CALCR: variants seen among roughly 807,000 people sequenced by gnomAD.
CALCR encodes the protein calcitonin receptor.
Under a neutral mutation model 59.5 loss-of-function variants are expected in CALCR, and 47 were observed. The ratio of observed to expected loss-of-function variants is 0.79; its 90% CI spans 0.63 to 1.01. The LOEUF is 1.01. Among genes scored for constraint, CALCR ranks in the 50% least tolerant of loss-of-function variants. The pLI, the probability that CALCR is intolerant of heterozygous loss-of-function variation, is 0.00. For synonymous variants in CALCR, 213 were observed against 211.3 expected, an observed-to-expected ratio of 1.01 and a Z score of -0.07; for missense variants, 566 against 597.1, an observed-to-expected ratio of 0.95 and a Z score of 0.54.
intron 2 of CALCR, among the ~76,000 whole-genome samples, chr7:93,571,810 C>T (rs934563246): frequency 4.6e-5 from 7 of 152,108 alleles, no homozygotes; most frequent in African/African-American, 1.7e-4. Context: ...TTGTAACTCA[C>T]AAGGCTACTC....
At position 93,473,874 on chromosome 7, in the gene CALCR, T is replaced by A. The variant is rs1407747612; in HGVS notation, c.317-1387A>T. Among the ~76,000 whole-genome samples the A allele has an allele frequency of 2.6e-5, 4 of 151,854 alleles. No individual in the cohort carries two copies. The East Asian group carries it at 5.9e-4, about 22-fold the overall frequency. On this transcript the variant is annotated intron_variant, in intron 5 of 13. Coordinates refer to ENST00000426151, the MANE Select transcript of CALCR (RefSeq NM_001742.4). Reference sequence around the variant, plus strand: ...ATATTCAGTGCTGGTTACAGTATGATAAAGCCTTGCTGCTTTTTTTATTTT... The same window carrying A: ...ATATTCAGTGCTGGTTACAGTATGAAAAAGCCTTGCTGCTTTTTTTATTTT...
chr7:93,506,143 G>C (rs1381369605), intron 2 of CALCR, among the ~76,000 whole-genome samples: 1 of 152,096 alleles, frequency 6.6e-6, no homozygotes, highest in Non-Finnish European at 1.5e-5. Context: ...CTCACTCTCT[G>C]TGTGTGTCTG....
chr7:93,486,150 G>A (rs749540565), intron 3 of CALCR, among the ~76,000 whole-genome samples: 26 of 151,446 alleles, frequency 1.7e-4, no homozygotes, highest in Non-Finnish European at 3.1e-4. Flanking sequence ...ATTAGCAAAT[G>A]TTACTCTGAT....
chr7:93,540,415 G>C (rs1789101987), intron 2 of CALCR, among the ~76,000 whole-genome samples: 1 of 152,014 alleles, frequency 6.6e-6, no homozygotes, highest in Non-Finnish European at 1.5e-5. Context: ...ATAAAATTTT[G>C]TTTGAATTGA....
chr7:93,462,168 T>C, intron 7 of CALCR: 1 of 919,958 alleles, frequency 1.1e-6, no homozygotes, highest in South Asian at 1.6e-5. Flanking sequence ...TTTTAACTAT[T>C]ATAGTTACAG....
At chr7:93,493,603 G>T (rs1472192536) in intron 2 of CALCR, among the ~76,000 whole-genome samples, 1 of 151,388 alleles carries the variant, frequency 6.6e-6, no homozygotes, top group East Asian at 1.9e-4. Context: ...ATATTAAAAT[G>T]AGTGCAATTT....
intron 2 of CALCR, among the ~76,000 whole-genome samples, chr7:93,533,775 G>A (rs1788911127): frequency 1.3e-5 from 2 of 151,744 alleles, no homozygotes; most frequent in African/African-American, 2.4e-5. Context: ...CAATGTTTTA[G>A]AAGCTTTTTT....
chr7:93,565,407 C>T (rs1789841852), intron 2 of CALCR, among the ~76,000 whole-genome samples: 1 of 152,220 alleles, frequency 6.6e-6, no homozygotes, highest in African/African-American at 2.4e-5. Context: ...CATTGCTACT[C>T]TTCAAATATG....
At chr7:93,450,725 A>G (rs7793533) in intron 8 of CALCR, among the ~76,000 whole-genome samples, 11,837 of 151,742 alleles carry the variant, frequency 0.078, 1,557 homozygotes, top group African/African-American at 0.27. Flanking sequence ...ATTTCTTTTT[A>G]TATTTTGTTC....
chr7:93,489,875 T>C (rs1052825864), intron 2 of CALCR, among the ~76,000 whole-genome samples: 3 of 151,866 alleles, frequency 2.0e-5, no homozygotes, highest in African/African-American at 7.2e-5. Flanking sequence ...TTCTGAAGAA[T>C]TGAAAAGGAG....
intron 2 of CALCR, among the ~76,000 whole-genome samples, chr7:93,514,822 C>T (rs1211577947): frequency 4.6e-5 from 7 of 151,930 alleles, no homozygotes; most frequent in African/African-American, 1.7e-4. Context: ...TATTCAGAGA[C>T]AATAGCTTGC....
intron 2 of CALCR, among the ~76,000 whole-genome samples, chr7:93,569,084 T>A (rs1011724363): frequency 3.3e-5 from 5 of 151,846 alleles, no homozygotes; most frequent in African/African-American, 4.8e-5. Context: ...TTCGTTTTTT[T>A]TTCTTTTCTG....
At position 93,460,965 on chromosome 7, in the gene CALCR, A is replaced by AT; in HGVS notation, c.522-19dup. The AT allele has an allele frequency of 6.2e-7, 1 of 1,602,562 alleles. No individual in the cohort carries two copies. Among genetic ancestry groups the AT allele is most frequent in the Non-Finnish European group, 8.5e-7 (1 of 1,175,286 alleles). On this transcript the variant is annotated intron_variant, in intron 7 of 13. Coordinates refer to ENST00000426151, the MANE Select transcript of CALCR (RefSeq NM_001742.4). The stretch of plus-strand genomic sequence containing the variant: ...CAAGGCTCCTGGAAGAAAAAGTAAC[A>AT]TAAAGCATTAACCAGTGCCAAAATG...
chr7:93,544,818 C>T (rs1447788722), intron 2 of CALCR, among the ~76,000 whole-genome samples: 3 of 152,162 alleles, frequency 2.0e-5, no homozygotes, highest in African/African-American at 7.2e-5. Context: ...CACAGCTTTC[C>T]TCCAACTGCT....
rs777380366 is a variant in CALCR at position 93,460,918 on chromosome 7, T to C, written c.551A>G (p.His184Arg). The C allele has an allele frequency of 1.9e-6, 3 of 1,611,600 alleles. No homozygotes were observed. The highest frequency in any genetic ancestry group is 2.2e-5 in the South Asian group (2 of 90,660). ...AATGTAAGTAAGAAACATGTTCTTG[T>C]GCAGGGTTACCCTTTGGCAGCCAAG... ...RSLGCQRVTL[H>R]KNMFLTYILN... The change falls in exon 8 of 14, where the codon CAC (histidine) becomes CGC (arginine). Residue 184 changes from histidine to arginine, a missense_variant. His to Arg is a conservative substitution (Grantham distance 29). Transcript: ENST00000426151.
intron 2 of CALCR, among the ~76,000 whole-genome samples, chr7:93,538,931 A>T (rs1012494877): frequency 2.6e-5 from 4 of 152,036 alleles, no homozygotes; most frequent in Non-Finnish European, 4.4e-5. Flanking sequence ...ATATATGGGG[A>T]TGGTATTATA....
chr7:93,486,986 G>A lies in CALCR; in HGVS notation c.-5C>T. On this transcript the variant is annotated 5_prime_UTR_variant, in exon 3 of 14. Transcript: ENST00000426151. ...GCTTGTAAATGTGAACCTCATTTTTGATTTTTGAAGATCTCTTTGTCCTAG... is the reference window on the plus strand; with the variant it reads ...GCTTGTAAATGTGAACCTCATTTTTAATTTTTGAAGATCTCTTTGTCCTAG... The A allele has an allele frequency of 6.3e-7, 1 of 1,586,480 alleles. No homozygotes were observed. Among genetic ancestry groups the A allele is most frequent in the Non-Finnish European group, 8.6e-7 (1 of 1,158,552 alleles).
chr7:93,486,939 G>T lies in CALCR; in HGVS notation c.43C>A (p.Leu15Ile), dbSNP rs1402880828. 1.9e-6 allele frequency: 3 copies of T among 1,583,620 alleles called. No individual in the cohort carries two copies. Among genetic ancestry groups the T allele is most frequent in the Admixed American group, 1.7e-5 (1 of 59,180 alleles). ...ACTTTTGTTTTACTTACATTTAGAA[G>T]AAGAAACAGTGCCAAGCACCGGCTT... is the stretch of plus-strand genomic sequence containing the variant. ...FTSRCLALFL[L>I]LNHPTPILPA... is the part of the protein sequence containing the mutation. The change falls in exon 3 of 14, where the codon CTT becomes ATT. Residue 15 changes from leucine to isoleucine, a missense_variant. Leu to Ile is a conservative substitution (Grantham distance 5). Coordinates refer to ENST00000426151, the MANE Select transcript of CALCR (RefSeq NM_001742.4).
chr7:93,465,163 T>G (rs1259643624), intron 7 of CALCR, among the ~76,000 whole-genome samples: 1 of 152,016 alleles, frequency 6.6e-6, no homozygotes, highest in African/African-American at 2.4e-5. Flanking sequence ...TGTTATGCTT[T>G]TCATGAAGTG....
Sources: allele counts gnomAD v4.1 joint callset (sites outside exome capture counted in the v4.1 genomes callset), GRCh38; gene constraint gnomAD v4.1.1; transcripts MANE v1.5; gene names NCBI Gene and HGNC (gene_info 2026-07-23, HGNC 2026-07-21).